Variants in ACYP2 observed in about 807,000 individuals in gnomAD.
The protein encoded by ACYP2 is acylphosphatase 2, also known as acylphosphatase-2.
ACYP2 carries 12 observed loss-of-function variants against 11.2 expected under a neutral mutation model. That is an observed-to-expected ratio of 1.08 (90% CI 0.69 to 1.74). ACYP2 has a LOEUF of 1.74. Among genes scored for constraint, ACYP2 ranks in the 40% most tolerant of loss-of-function variants. The pLI, the probability that ACYP2 is intolerant of heterozygous loss-of-function variation, is 0.00. For missense variants in ACYP2, 134 were observed against 101.9 expected, an observed-to-expected ratio of 1.31 and a Z score of -1.35; for synonymous variants, 43 against 32.2, an observed-to-expected ratio of 1.33 and a Z score of -1.13.
At chr2:54,224,002 C>T (rs1334655558) in intron 6 of ACYP2, among the ~76,000 whole-genome samples, 2 of 152,064 alleles carry the variant, frequency 1.3e-5, no homozygotes, top group African/African-American at 4.8e-5. Flanking sequence ...ATGTGAGATG[C>T]GTTTGAAAAT....
intron 6 of ACYP2, chr2:54,141,899 C>G (rs1366136950): frequency 3.2e-6 from 2 of 629,854 alleles, no homozygotes; most frequent in South Asian, 3.6e-5. Context: ...GTGCAGTGGT[C>G]TGATCTAGAC....
intron 4 of ACYP2, among the ~76,000 whole-genome samples, chr2:54,095,682 T>A (rs62137970): frequency 2.1e-5 from 2 of 93,188 alleles, no homozygotes; most frequent in African/African-American, 4.3e-5. Flanking sequence ...ACCTCCCTCC[T>A]GGACGGGGCG....
chr2:54,099,084 G>A (rs930410341), intron 4 of ACYP2, among the ~76,000 whole-genome samples: 4 of 152,078 alleles, frequency 2.6e-5, no homozygotes, highest in African/African-American at 7.2e-5. Flanking sequence ...CAAGAGTTGA[G>A]GATGTTTGTG....
intron 6 of ACYP2, among the ~76,000 whole-genome samples, chr2:54,215,202 G>A (rs181421432): frequency 1.3e-5 from 2 of 152,262 alleles, no homozygotes; most frequent in East Asian, 1.9e-4. Flanking sequence ...AAGAGAGAAA[G>A]TTTGACTTCC....
At chr2:54,222,381 C>G (rs530047121) in intron 6 of ACYP2, among the ~76,000 whole-genome samples, 1 of 152,078 alleles carries the variant, frequency 6.6e-6, no homozygotes, top group African/African-American at 2.4e-5. Context: ...AAAACCCCGT[C>G]TCTACTAAAA....
intron 2 of ACYP2, among the ~76,000 whole-genome samples, chr2:54,037,195 C>T (rs1674948011): frequency 6.6e-6 from 1 of 151,896 alleles, no homozygotes; most frequent in Non-Finnish European, 1.5e-5. Flanking sequence ...TCACTAGAAC[C>T]TCTGCCTCCC....
At chr2:54,017,199 T>A (rs1417744535) in intron 2 of ACYP2, among the ~76,000 whole-genome samples, 1 of 151,900 alleles carries the variant, frequency 6.6e-6, no homozygotes, top group African/African-American at 2.4e-5. Context: ...AGCTCTCAGG[T>A]CTTAATTACC....
intron 4 of ACYP2, among the ~76,000 whole-genome samples, chr2:54,105,540 A>T (rs184353622): frequency 2.6e-4 from 39 of 152,066 alleles, no homozygotes; most frequent in African/African-American, 8.0e-4. Context: ...GTACAGTGGC[A>T]TGATCATGGC....
intron 2 of ACYP2, among the ~76,000 whole-genome samples, chr2:54,006,621 G>T (rs1054503779): frequency 1.3e-5 from 2 of 152,064 alleles, no homozygotes; most frequent in African/African-American, 4.8e-5. Flanking sequence ...GTTCTTCTTA[G>T]ATTTGTTTAT....
chr2:53,974,571 A>G (rs13414797), intron 2 of ACYP2, among the ~76,000 whole-genome samples: 3,822 of 152,324 alleles, frequency 0.025, 153 homozygotes, highest in African/African-American at 0.088. Context: ...TTTGGCAGGT[A>G]AGGCTGGAAG....
chr2:54,165,111 T>C (rs1173259633), intron 6 of ACYP2, among the ~76,000 whole-genome samples: 2 of 152,218 alleles, frequency 1.3e-5, no homozygotes, highest in Non-Finnish European at 2.9e-5. Context: ...CAGTCTCTTA[T>C]TGATGGGCAT....
chr2:54,059,557 A>AT (rs1457417464), intron 4 of ACYP2, among the ~76,000 whole-genome samples: 2 of 152,066 alleles, frequency 1.3e-5, no homozygotes, highest in African/African-American at 2.4e-5. Context: ...GTTTCGTTAG[A>AT]TTTTCAGATG....
rs866557900 is a variant in ACYP2, at chr2:54,124,497, A to G, written c.278-10956A>G. Among the ~76,000 whole-genome samples the G allele has an allele frequency of 3.9e-5, 6 of 151,942 alleles. No individual in the cohort carries two copies. The South Asian group carries it at 8.3e-4, about 21-fold the overall frequency. ...AGGTGTGAGCCACCACGCCCAGCCC[A>G]TATTGAATCTTTTCTATATGATTTA... is the stretch of plus-strand genomic sequence containing the variant. On this transcript the variant is annotated intron_variant, in intron 4 of 6. Coordinates refer to ENST00000607452, the MANE Select transcript of ACYP2 (RefSeq NM_001320586.2).
intron 2 of ACYP2, among the ~76,000 whole-genome samples, chr2:54,041,184 C>G (rs1206784837): frequency 6.6e-6 from 1 of 151,796 alleles, no homozygotes; most frequent in African/African-American, 2.4e-5. Context: ...TGGCATCATG[C>G]AATCTGCCTG....
intron 2 of ACYP2, among the ~76,000 whole-genome samples, chr2:53,989,436 C>A (rs1314008907): frequency 6.6e-6 from 1 of 152,052 alleles, no homozygotes; most frequent in African/African-American, 2.4e-5. Context: ...ATATATTTGC[C>A]CAGTTCTTTT....
At chr2:54,203,780 C>G (rs1262238599) in intron 6 of ACYP2, among the ~76,000 whole-genome samples, 1 of 150,042 alleles carries the variant, frequency 6.7e-6, no homozygotes, top group East Asian at 2.0e-4. Context: ...TATGTCAAAA[C>G]TGGAATACTC....
At chr2:54,149,400 A>G (rs2103806091) in intron 6 of ACYP2, among the ~76,000 whole-genome samples, 1 of 152,346 alleles carries the variant, frequency 6.6e-6, no homozygotes, top group Middle Eastern at 3.4e-3. Flanking sequence ...AGAATGACTG[A>G]TGACTTTCTT....
intron 2 of ACYP2, among the ~76,000 whole-genome samples, chr2:53,997,030 C>T (rs769190319): frequency 2.2e-4 from 33 of 152,146 alleles, no homozygotes; most frequent in Non-Finnish European, 3.8e-4. Context: ...AACTTTGTGT[C>T]CTCTGTGGTC....
intron 4 of ACYP2, among the ~76,000 whole-genome samples, chr2:54,095,812 A>C (rs1290173493): frequency 1.7e-5 from 2 of 114,956 alleles, no homozygotes; most frequent in African/African-American, 6.8e-5. Flanking sequence ...TCCCTCCCGG[A>C]CGGGGCGGCT....
Sources: gnomAD v4.1 joint callset for allele counts (sites outside exome capture counted in the v4.1 genomes callset) on GRCh38, gnomAD v4.1.1 for gene constraint, MANE v1.5 for transcripts, NCBI Gene and HGNC (gene_info 2026-07-23, HGNC 2026-07-21) for gene names.